Variants in LCLAT1 observed in about 807,000 individuals in gnomAD.
The protein encoded by LCLAT1 is 1-AGP acyltransferase 8.
A neutral mutation model predicts 30.7 loss-of-function variants in LCLAT1; 11 were observed. That is an observed-to-expected ratio of 0.36 (90% CI 0.23 to 0.59). The LOEUF is 0.59. Ranked by LOEUF, LCLAT1 falls within the 20% of genes least tolerant of loss-of-function variation. The pLI is 0.77. For synonymous variants in LCLAT1, 155 were observed against 151.3 expected (o/e 1.02, Z -0.18); for missense variants, 402 against 458.6 (o/e 0.88, Z 1.13).
chr2:30,580,122 A>G (rs1666150857), intron 5 of LCLAT1, among the ~76,000 whole-genome samples: 1 of 152,156 alleles, frequency 6.6e-6, no homozygotes, highest in Non-Finnish European at 1.5e-5. Flanking sequence ...CCCAATTACA[A>G]AGATGTTTTC....
intron 3 of LCLAT1, among the ~76,000 whole-genome samples, chr2:30,546,949 A>G (rs1664449106): frequency 6.6e-6 from 1 of 152,104 alleles, no homozygotes; most frequent in Non-Finnish European, 1.5e-5. Flanking sequence ...ATTAAGATGA[A>G]TAGATTCATC....
intron 3 of LCLAT1, among the ~76,000 whole-genome samples, chr2:30,550,698 G>A (rs13388156): frequency 0.13 from 19,257 of 152,108 alleles, 1,355 homozygotes; most frequent in South Asian, 0.23. Context: ...CTGCAAAGAT[G>A]CTGTTTTCCC....
chr2:30,466,279 T>G (rs1380069229), intron 1 of LCLAT1, among the ~76,000 whole-genome samples: 2 of 149,322 alleles, frequency 1.3e-5, no homozygotes, highest in Admixed American at 1.3e-4. Context: ...TTTTTTTCTT[T>G]GAGACAGGGT....
At chr2:30,600,165 C>G (rs371998288) in intron 5 of LCLAT1, among the ~76,000 whole-genome samples, 8 of 151,912 alleles carry the variant, frequency 5.3e-5, no homozygotes, top group African/African-American at 1.7e-4. Context: ...TTCTCCTTTG[C>G]TTATGAAGCT....
chr2:30,480,454 C>G (rs1318141299), intron 1 of LCLAT1, among the ~76,000 whole-genome samples: 1 of 152,178 alleles, frequency 6.6e-6, no homozygotes, highest in African/African-American at 2.4e-5. Context: ...CTTGGCTTCC[C>G]AAAGTGCTGG....
chr2:30,579,836 T>A (rs961857167), intron 5 of LCLAT1, among the ~76,000 whole-genome samples: 1 of 152,126 alleles, frequency 6.6e-6, no homozygotes, highest in African/African-American at 2.4e-5. Flanking sequence ...GGTGAGTACA[T>A]TGTTCCCTTC....
At chr2:30,451,529 T>A (rs948669755) in intron 1 of LCLAT1, among the ~76,000 whole-genome samples, 5 of 152,248 alleles carry the variant, frequency 3.3e-5, no homozygotes, top group Non-Finnish European at 5.9e-5. Flanking sequence ...GATGAGTAAA[T>A]TGTGATATGT....
intron 5 of LCLAT1, among the ~76,000 whole-genome samples, chr2:30,611,739 C>G (rs1226364989): frequency 6.6e-6 from 1 of 152,158 alleles, no homozygotes; most frequent in African/African-American, 2.4e-5. Flanking sequence ...CTTACTTCAT[C>G]TGGGTCAGCT....
At chr2:30,517,308 T>C (rs1367956054) in intron 1 of LCLAT1, among the ~76,000 whole-genome samples, 1 of 151,032 alleles carries the variant, frequency 6.6e-6, no homozygotes, top group Admixed American at 6.6e-5. Flanking sequence ...ACCCAGGGAG[T>C]CTTGCCCCTG....
chr2:30,531,758 G>A (rs1023609112), intron 2 of LCLAT1, among the ~76,000 whole-genome samples: 1 of 152,028 alleles, frequency 6.6e-6, no homozygotes, highest in Non-Finnish European at 1.5e-5. Context: ...ATATTATTTT[G>A]AACCTATGTT....
chr2:30,639,350 C>T (rs563457071), intron 5 of LCLAT1, among the ~76,000 whole-genome samples: 1 of 149,492 alleles, frequency 6.7e-6, no homozygotes, highest in Non-Finnish European at 1.5e-5. Flanking sequence ...TCTTACTTGA[C>T]TGTCTATCTC....
At chr2:30,451,954 A>C (rs557688802) in intron 1 of LCLAT1, among the ~76,000 whole-genome samples, 2 of 152,286 alleles carry the variant, frequency 1.3e-5, no homozygotes, top group African/African-American at 2.4e-5. Context: ...ACATGGATGT[A>C]TCTTACAGAC....
intron 1 of LCLAT1, among the ~76,000 whole-genome samples, chr2:30,516,351 G>A (rs561812926): frequency 1.1e-3 from 164 of 152,176 alleles, no homozygotes; most frequent in African/African-American, 3.7e-3. Context: ...CGTCGCCGTC[G>A]CAGACCCGCC....
intron 1 of LCLAT1, chr2:30,459,805 A>C: frequency 1.1e-6 from 1 of 912,910 alleles, no homozygotes; most frequent in Non-Finnish European, 1.8e-6. Flanking sequence ...AATTGATCAT[A>C]GTTTGTTCCT....
chr2:30,623,046 ATTTTTT>A (rs34283582), intron 5 of LCLAT1, among the ~76,000 whole-genome samples: 7 of 83,242 alleles, frequency 8.4e-5, no homozygotes, highest in Admixed American at 4.1e-4. Context: ...AATTCAAAGA[ATTTTTT>A]TTTTTTTTTT....
At chr2:30,463,368 ATTTCT>A (rs1350129970) in intron 1 of LCLAT1, among the ~76,000 whole-genome samples, 1 of 152,004 alleles carries the variant, frequency 6.6e-6, no homozygotes, top group Non-Finnish European at 1.5e-5. Context: ...ATACATAGAG[ATTTCT>A]TTTTTTGTTT....
rs1368250738 is a variant in LCLAT1, at chr2:30,568,115, T to C, written c.567T>C (p.Tyr189=). Residue 189 remains tyrosine (Y), a synonymous_variant, in exon 5 of 6, where the codon TAT becomes TAC. Coordinates refer to ENST00000379509, the MANE Select transcript of LCLAT1 (RefSeq NM_001002257.3). ...CTGAAAAAAATGGACTTCAGAAATA[T>C]GAATATGTTTTACATCCAAGAACTA... is the stretch of plus-strand genomic sequence containing the variant. The part of the protein sequence containing the change: ...AFAEKNGLQK[Y]EYVLHPRTTG... The C allele has an allele frequency of 3.1e-6, 5 of 1,610,042 alleles. No homozygotes were observed. Among genetic ancestry groups the C allele is most frequent in the Non-Finnish European group, 3.4e-6 (4 of 1,177,884 alleles).
chr2:30,610,286 A>G (rs1392937389), intron 5 of LCLAT1, among the ~76,000 whole-genome samples: 1 of 152,084 alleles, frequency 6.6e-6, no homozygotes, highest in Non-Finnish European at 1.5e-5. Context: ...TAGGCATTCC[A>G]TTATTGAATT....
At chr2:30,530,961 T>C (rs1572579082) in intron 2 of LCLAT1, among the ~76,000 whole-genome samples, 3 of 152,174 alleles carry the variant, frequency 2.0e-5, no homozygotes, top group South Asian at 4.1e-4. Flanking sequence ...TTGGAATTTA[T>C]AGGCTTAAGA....
Sources: gnomAD v4.1 joint callset for allele counts (sites outside exome capture counted in the v4.1 genomes callset) on GRCh38, gnomAD v4.1.1 for gene constraint, MANE v1.5 for transcripts, NCBI Gene and HGNC (gene_info 2026-07-23, HGNC 2026-07-21) for gene names.